RALGPS2: variants seen among roughly 807,000 people sequenced by gnomAD.
The protein encoded by RALGPS2 is ras-specific guanine nucleotide-releasing factor RalGPS2.
RALGPS2 carries 43 observed loss-of-function variants against 86.8 expected under a neutral mutation model. The ratio of observed to expected loss-of-function variants is 0.50; its 90% confidence interval spans 0.39 to 0.64. The LOEUF is 0.64. Among genes scored for constraint, RALGPS2 ranks in the 30% least tolerant of loss-of-function variants. The probability of loss-of-function intolerance (pLI) is 0.00; values close to 1 mark genes in which losing one functional copy is unlikely to be tolerated. For synonymous variants in RALGPS2, 243 were observed against 231.3 expected (o/e 1.05, Z -0.46); for missense variants, 536 against 694.6 (o/e 0.77, Z 2.57).
At chr1:178,792,856 G>A (rs7529460) in intron 4 of RALGPS2, among the ~76,000 whole-genome samples, 6,690 of 152,186 alleles carry the variant, frequency 0.044, 519 homozygotes, top group African/African-American at 0.15. Flanking sequence ...AAAGAAGGGG[G>A]AAAGTTCCAT....
intron 1 of RALGPS2, among the ~76,000 whole-genome samples, chr1:178,742,132 CAAAA>C (rs34861793): frequency 4.8e-5 from 4 of 82,700 alleles, no homozygotes; most frequent in African/African-American, 4.4e-5. Flanking sequence ...AAGATTCCGT[CAAAA>C]AAAAAAAAAA....
intron 19 of RALGPS2, among the ~76,000 whole-genome samples, chr1:178,908,725 G>T (rs1660490594): frequency 6.6e-6 from 1 of 152,152 alleles, no homozygotes; most frequent in Non-Finnish European, 1.5e-5. Context: ...CTTGAGAAGT[G>T]TCTGTTCATG....
At chr1:178,840,481 C>A (rs1182484707) in intron 8 of RALGPS2, among the ~76,000 whole-genome samples, 1 of 152,168 alleles carries the variant, frequency 6.6e-6, no homozygotes, top group Non-Finnish European at 1.5e-5. Flanking sequence ...ATACCAGAAT[C>A]TCTGGGACAC....
chr1:178,848,664 G>GT (rs1656989290), intron 8 of RALGPS2, among the ~76,000 whole-genome samples: 3 of 152,126 alleles, frequency 2.0e-5, no homozygotes, highest in South Asian at 4.1e-4. Flanking sequence ...ATATTGTTTT[G>GT]TTTTTTGAGA....
rs73039869 is a variant in RALGPS2, at chr1:178,885,285, A to G, written c.1040+74A>G. 4,039 of 1,415,592 alleles carry G rather than the reference A, an allele frequency of 2.9e-3. 86 individuals are homozygous for G. The African/African-American group carries it at 0.049, about 17-fold the overall frequency. 87.7% of individuals were successfully genotyped at this position (1,415,592 alleles called of 1,614,324 possible). A position where few individuals can be genotyped will look rare whatever the true frequency, so the allele number is the denominator to read the frequency against. ...GGATTTATTGTCGATTTATTAGTTC[A>G]GTAGAAAATGGTATCCTTGAATAGT... is the stretch of plus-strand genomic sequence containing the variant. On this transcript the variant is annotated intron_variant, in intron 12 of 19. Transcript: ENST00000367635.
chr1:178,798,499 T>C (rs955131292), intron 4 of RALGPS2, among the ~76,000 whole-genome samples: 2 of 152,178 alleles, frequency 1.3e-5, no homozygotes, highest in Non-Finnish European at 2.9e-5. Context: ...TGGAAGTGCT[T>C]CTAAGAAGCA....
intron 7 of RALGPS2, among the ~76,000 whole-genome samples, chr1:178,822,843 T>A (rs1458908245): frequency 1.3e-5 from 2 of 152,040 alleles, no homozygotes; most frequent in Non-Finnish European, 2.9e-5. Context: ...GAAAAAAAAA[T>A]TCTATTTTTA....
intron 1 of RALGPS2, among the ~76,000 whole-genome samples, chr1:178,737,892 C>T (rs1650810830): frequency 6.6e-6 from 1 of 152,058 alleles, no homozygotes; most frequent in Non-Finnish European, 1.5e-5. Context: ...ATCCTCCTGC[C>T]TCAGCCTCCC....
At chr1:178,829,738 T>C (rs1039186965) in intron 7 of RALGPS2, among the ~76,000 whole-genome samples, 13 of 152,082 alleles carry the variant, frequency 8.5e-5, no homozygotes, top group Admixed American at 3.3e-4. Context: ...ATTTTATTTA[T>C]TATTTATTTA....
chr1:178,729,024 C>T (rs1273046010), intron 1 of RALGPS2, among the ~76,000 whole-genome samples: 3 of 152,070 alleles, frequency 2.0e-5, no homozygotes, highest in South Asian at 4.2e-4. Flanking sequence ...GAAGCTTGGC[C>T]GTTTATTTCA....
intron 19 of RALGPS2, among the ~76,000 whole-genome samples, chr1:178,913,889 C>T (rs1660714739): frequency 6.6e-6 from 1 of 152,158 alleles, no homozygotes. Flanking sequence ...GCTGGCAAAA[C>T]CTCTCCATCA....
At chr1:178,745,730 A>C (rs568427206) in intron 1 of RALGPS2, among the ~76,000 whole-genome samples, 1 of 152,148 alleles carries the variant, frequency 6.6e-6, no homozygotes, top group Non-Finnish European at 1.5e-5. Flanking sequence ...TTTTAGTTAC[A>C]ACACCAAAAG....
At chr1:178,787,078 C>T (rs1653689151) in intron 4 of RALGPS2, among the ~76,000 whole-genome samples, 1 of 150,842 alleles carries the variant, frequency 6.6e-6, no homozygotes, top group Non-Finnish European at 1.5e-5. Flanking sequence ...ATAAATAAAG[C>T]ACAAGAAGAA....
intron 2 of RALGPS2, among the ~76,000 whole-genome samples, chr1:178,780,110 A>G (rs1334826594): frequency 6.6e-6 from 1 of 152,216 alleles, no homozygotes; most frequent in Non-Finnish European, 1.5e-5. Flanking sequence ...GACAGAAGTT[A>G]CAATCTTATA....
chr1:178,900,681 A>T (rs1441478713), intron 17 of RALGPS2, among the ~76,000 whole-genome samples: 1 of 152,016 alleles, frequency 6.6e-6, no homozygotes, highest in African/African-American at 2.4e-5. Flanking sequence ...TAGATGAAAA[A>T]CACAAGTCAG....
At chr1:178,746,534 A>T in intron 1 of RALGPS2, 1 of 587,054 alleles carries the variant, frequency 1.7e-6, no homozygotes, top group Non-Finnish European at 3.1e-6. Context: ...CATTCCCTGG[A>T]TGTCAAGTTT....
chr1:178,775,492 A>G (rs917364856), intron 1 of RALGPS2, among the ~76,000 whole-genome samples: 2 of 152,160 alleles, frequency 1.3e-5, no homozygotes, highest in African/African-American at 4.8e-5. Context: ...AAGTTCATTT[A>G]CCACTGTCAT....
At chr1:178,811,220 AGCTTACCTAATTCTGCCAAAAT>A in intron 5 of RALGPS2, 73 bp from the exon 6 acceptor site, 2 of 793,186 alleles carry the variant, frequency 2.5e-6, no homozygotes, top group Non-Finnish European at 3.9e-6. Context: ...TTAATTTTAG[AGCTTACCTAATTCTGCCAAAAT>A]TTTTTAAAAT....
At chr1:178,832,139 C>T (rs1325913091) in intron 7 of RALGPS2, among the ~76,000 whole-genome samples, 2 of 152,130 alleles carry the variant, frequency 1.3e-5, no homozygotes, top group East Asian at 3.9e-4. Context: ...CAAACATTTG[C>T]ACCTAATCTT....
Sources: allele counts gnomAD v4.1 joint callset (sites outside exome capture counted in the v4.1 genomes callset), GRCh38; gene constraint gnomAD v4.1.1; transcripts MANE v1.5; gene names NCBI Gene and HGNC (gene_info 2026-07-23, HGNC 2026-07-21).